INSL6: variants seen among roughly 807,000 people sequenced by gnomAD.
INSL6 encodes the protein insulin-like peptide INSL6.
INSL6 carries 16 observed loss-of-function variants against 9.4 expected under a neutral mutation model. The ratio of observed to expected loss-of-function variants is 1.70; its 90% CI spans 1.15 to 2.59. The LOEUF (loss-of-function observed/expected upper bound fraction) is 2.59, where lower values mean the gene tolerates loss of function less well. Among genes scored for constraint, INSL6 ranks in the 30% most tolerant of loss-of-function variants. The pLI is 0.00. For missense variants in INSL6, 391 were observed against 257.3 expected (o/e 1.52, Z -3.56); for synonymous variants, 154 against 96.9 (o/e 1.59, Z -3.46).
the INSL6 span, chr9:5,098,009 A>C: frequency 6.6e-6 from 1 of 152,194 alleles, no homozygotes; most frequent in Admixed American, 6.5e-5. Context: ...CACCGCATGA[A>C]ATATTATCTC....
At chr9:5,045,451 T>A in the INSL6 span, among the ~76,000 whole-genome samples, 1 of 152,314 alleles carries the variant, frequency 6.6e-6, no homozygotes, top group East Asian at 1.9e-4. Flanking sequence ...CCATTTTAAG[T>A]GTACAGTTCA....
At chr9:5,089,769 A>G in the INSL6 span, 4 of 1,599,004 alleles carry the variant, frequency 2.5e-6, no homozygotes, top group Non-Finnish European at 8.5e-7. Flanking sequence ...ATAGTACTGA[A>G]GAGCACCTAA....
chr9:5,156,046 T>C lies in INSL6; in HGVS notation c.376+8133A>G, dbSNP rs7854706. 5.7e-3 allele frequency among the ~76,000 whole-genome samples: 865 copies of C among 152,262 alleles called. 7 individuals carry two copies. The highest frequency in any genetic ancestry group is 0.02 in the African/African-American group (817 of 41,542). ...AGGATTAGCATTTATACAGATCCTA[T>C]AGACATTTAAAGGATGGTCAGGGAA... is the stretch of plus-strand genomic sequence containing the variant. On this transcript the variant is annotated intron_variant, in intron 2 of 3. Coordinates refer to the INSL6 transcript ENST00000649639.
the INSL6 span, among the ~76,000 whole-genome samples, chr9:5,057,655 T>C: frequency 6.7e-6 from 1 of 148,780 alleles, no homozygotes; most frequent in South Asian, 2.1e-4. Flanking sequence ...CGATCTTGGC[T>C]CACTGTAACC....
the INSL6 span, chr9:5,112,464 C>A: frequency 1.8e-6 from 1 of 544,786 alleles, no homozygotes. Context: ...TGAAGGACCC[C>A]CGGGACCGGA....
chr9:5,170,092 A>G (rs752265961), intron 1 of INSL6, among the ~76,000 whole-genome samples: 2 of 151,740 alleles, frequency 1.3e-5, no homozygotes, highest in Non-Finnish European at 3.0e-5. Context: ...GGCACATCAC[A>G]TAATTGGAAG....
At chr9:5,153,221 A>C (rs1465275817) in intron 2 of INSL6, among the ~76,000 whole-genome samples, 1 of 152,114 alleles carries the variant, frequency 6.6e-6, no homozygotes, top group Non-Finnish European at 1.5e-5. Flanking sequence ...AGGGGGCTGA[A>C]GCCAGGGAGC....
chr9:5,102,312 G>T, the INSL6 span, among the ~76,000 whole-genome samples: 2 of 152,150 alleles, frequency 1.3e-5, no homozygotes, highest in Non-Finnish European at 2.9e-5. Flanking sequence ...TCAAATTAAT[G>T]AAATAAAGCG....
At chr9:5,101,662 T>C in the INSL6 span, among the ~76,000 whole-genome samples, 1 of 152,198 alleles carries the variant, frequency 6.6e-6, no homozygotes, top group African/African-American at 2.4e-5. Flanking sequence ...GGTGCCTGTC[T>C]GGGACGAAGC....
At chr9:5,118,378 A>G in the INSL6 span, among the ~76,000 whole-genome samples, 1 of 152,172 alleles carries the variant, frequency 6.6e-6, no homozygotes, top group Non-Finnish European at 1.5e-5. Flanking sequence ...TGTAACCAAG[A>G]TATGTATATA....
At chr9:5,079,058 T>G in the INSL6 span, among the ~76,000 whole-genome samples, 1 of 152,204 alleles carries the variant, frequency 6.6e-6, no homozygotes, top group Non-Finnish European at 1.5e-5. Flanking sequence ...TTGATCAATT[T>G]TTGTGCACTG....
the INSL6 span, among the ~76,000 whole-genome samples, chr9:5,028,037 C>T: frequency 3.9e-5 from 6 of 152,150 alleles, no homozygotes; most frequent in East Asian, 1.9e-4. Context: ...TTTTTCATGA[C>T]GTCTAGAATG....
At chr9:4,992,400 T>G in the INSL6 span, among the ~76,000 whole-genome samples, 1 of 152,210 alleles carries the variant, frequency 6.6e-6, no homozygotes, top group Admixed American at 6.5e-5. Context: ...GTCAGAAGCC[T>G]GTCCAGATTT....
At chr9:5,100,951 C>T in the INSL6 span, 6 of 152,286 alleles carry the variant, frequency 3.9e-5, no homozygotes, top group African/African-American at 1.4e-4. Context: ...CAGTCTGCAG[C>T]TCCCAGCATG....
At chr9:5,141,691 T>C (rs1278970515) in intron 2 of INSL6, among the ~76,000 whole-genome samples, 1 of 152,212 alleles carries the variant, frequency 6.6e-6, no homozygotes, top group Non-Finnish European at 1.5e-5. Flanking sequence ...TGATGATAGT[T>C]TCTTTTGCTG....
intron 2 of INSL6, among the ~76,000 whole-genome samples, chr9:5,147,432 CT>C (rs368874206): frequency 2.6e-5 from 4 of 152,180 alleles, no homozygotes; most frequent in African/African-American, 9.7e-5. Context: ...TGGCAGAGAA[CT>C]TTCAGTTGCC....
chr9:5,067,003 A>C, the INSL6 span, among the ~76,000 whole-genome samples: 3 of 152,072 alleles, frequency 2.0e-5, no homozygotes, highest in East Asian at 5.8e-4. Flanking sequence ...TATAATGTCT[A>C]TCTTTTTATT....
At chr9:5,162,619 G>T (rs543489829), downstream of INSL6, among the ~76,000 whole-genome samples, 1 of 152,100 alleles carries the variant, frequency 6.6e-6, no homozygotes, top group Non-Finnish European at 1.5e-5. Flanking sequence ...CCACTGAACC[G>T]TAATATAATC....
intron 1 of INSL6, among the ~76,000 whole-genome samples, chr9:5,180,680 G>C (rs59851832): frequency 0.018 from 2,739 of 152,172 alleles, 95 homozygotes; most frequent in African/African-American, 0.063. Flanking sequence ...CTGGTTCTCT[G>C]CTCTCAAACC....
Sources: gnomAD v4.1 joint callset for allele counts (sites outside exome capture counted in the v4.1 genomes callset) on GRCh38, gnomAD v4.1.1 for gene constraint, MANE v1.5 for transcripts, NCBI Gene and HGNC (gene_info 2026-07-23, HGNC 2026-07-21) for gene names.